Variants in HERC1 observed in about 807,000 individuals in gnomAD.
HERC1 encodes the protein probable E3 ubiquitin-protein ligase HERC1.
HERC1 carries 160 observed loss-of-function variants against 554.3 expected under a neutral mutation model. The observed-to-expected ratio is 0.29, with a 90% CI of 0.25 to 0.33. HERC1 has a LOEUF of 0.33. Ranked by LOEUF, HERC1 falls within the 10% of genes least tolerant of loss-of-function variation. The pLI is 1.00. For missense variants in HERC1, 4,919 were observed against 5,918.5 expected, an observed-to-expected ratio of 0.83 and a Z score of 5.54; for synonymous variants, 2,175 against 2,131.7, an observed-to-expected ratio of 1.02 and a Z score of -0.56.
At chr15:63,799,634 G>A (rs2076916847) in intron 1 of HERC1, among the ~76,000 whole-genome samples, 1 of 152,154 alleles carries the variant, frequency 6.6e-6, no homozygotes, top group African/African-American at 2.4e-5. Context: ...CAGTTATTAA[G>A]GGACTAGGCT....
At chr15:63,664,909 A>AT (rs925203583) in intron 42 of HERC1, among the ~76,000 whole-genome samples, 5 of 152,224 alleles carry the variant, frequency 3.3e-5, no homozygotes, top group Non-Finnish European at 7.3e-5. Flanking sequence ...ATTTGAAATG[A>AT]TTGAGAATTC....
At chr15:63,682,563 G>A (rs1027690339) in intron 34 of HERC1, among the ~76,000 whole-genome samples, 2 of 152,088 alleles carry the variant, frequency 1.3e-5, no homozygotes, top group African/African-American at 2.4e-5. Context: ...TTGAAGCCAG[G>A]AGTTTGAGAC....
chr15:63,826,784 T>TAA lies in HERC1; in HGVS notation c.-27+7041_-27+7042dup, dbSNP rs71456333. Among the ~76,000 whole-genome samples, 13 of 37,102 alleles carry TAA rather than the reference T, an allele frequency of 3.5e-4. 1 individual carries two copies. Among genetic ancestry groups the TAA allele is most frequent in the East Asian group, 2.3e-3 (3 of 1,306 alleles). 24.3% of individuals were successfully genotyped at this position (37,102 alleles called of 152,430 possible). A position where few individuals can be genotyped will look rare whatever the true frequency, so the allele number is the denominator to read the frequency against. The stretch of plus-strand genomic sequence containing the variant: ...TATTCTTTTAATCACTTATCTCTGG[T>TAA]AAAAAAAAAAAAAAAAAAAAAAAAA... On this transcript the variant is annotated intron_variant, in intron 1 of 77. Coordinates refer to ENST00000443617, the MANE Select transcript of HERC1 (RefSeq NM_003922.4).
At position 63,747,188 on chromosome 15, in the gene HERC1, G is replaced by A. The variant is rs111972512; in HGVS notation, c.2355-105C>T. The A allele has an allele frequency of 9.4e-3, 9,022 of 964,124 alleles. 434 individuals are homozygous for A. In the African/African-American group the frequency reaches 0.12, roughly 12 times the overall value. 59.7% of individuals were successfully genotyped at this position (964,124 alleles called of 1,614,324 possible). Reference sequence around the variant, plus strand: ...TTTAAAAATTTTGTTGGCTAGGTGCGGTGGCTCATGCCTGTAATCCCAGCA... The same window carrying A: ...TTTAAAAATTTTGTTGGCTAGGTGCAGTGGCTCATGCCTGTAATCCCAGCA... On this transcript the variant is annotated intron_variant, in intron 11 of 77. Coordinates refer to ENST00000443617, the MANE Select transcript of HERC1 (RefSeq NM_003922.4).
intron 40 of HERC1, 66 bp from the exon 41 acceptor site, chr15:63,666,538 C>G: frequency 9.8e-7 from 1 of 1,015,448 alleles, no homozygotes; most frequent in Non-Finnish European, 1.5e-6. Flanking sequence ...AAAGTGTCTT[C>G]ATAGTCCTCA....
chr15:63,644,863 C>G (rs982141592), intron 57 of HERC1, 129 bp downstream of exon 57: 1 of 652,102 alleles, frequency 1.5e-6, no homozygotes, highest in Non-Finnish European at 2.7e-6. Flanking sequence ...ATGACAATTA[C>G]TTATATTTCC....
At chr15:63,650,425 T>G (rs1411763984) in intron 53 of HERC1, among the ~76,000 whole-genome samples, 3 of 151,970 alleles carry the variant, frequency 2.0e-5, no homozygotes, top group Non-Finnish European at 4.4e-5. Context: ...ACCTTTTTTT[T>G]TTTTTTGAAA....
rs533671725 is a variant in HERC1 at position 63,820,674 on chromosome 15, G to T, written c.-27+13153C>A. ...TATCTCAAAAAAATCAAAAGCAACA[G>T]AGACGTTATCCTTTTTTTTTTGCTT... is the stretch of plus-strand genomic sequence containing the variant. On this transcript the variant is annotated intron_variant, in intron 1 of 77. Transcript: ENST00000443617. Among the ~76,000 whole-genome samples the T allele has an allele frequency of 2.6e-5, 4 of 152,082 alleles. No homozygotes were observed. In the East Asian group the frequency reaches 7.7e-4, roughly 29 times the overall value.
rs1595842930 is a variant in HERC1, at chr15:63,624,435, G to A, written c.13276-108C>T. 6 of 972,860 alleles carry A rather than the reference G, an allele frequency of 6.2e-6. No homozygotes were observed. In the East Asian group the frequency reaches 1.5e-4, roughly 24 times the overall value. 60.3% of individuals were successfully genotyped at this position (972,860 alleles called of 1,614,324 possible). ...ATTTTGGCTGGGCGCAGTGGCTCAT[G>A]CCTGTAGTCCCAGCACTTTGGGAGG... On this transcript the variant is annotated intron_variant, in intron 71 of 77. Transcript: ENST00000443617.
intron 1 of HERC1, among the ~76,000 whole-genome samples, chr15:63,817,701 C>A (rs367911641): frequency 1.1e-4 from 17 of 152,150 alleles, no homozygotes; most frequent in African/African-American, 4.1e-4. Flanking sequence ...GGTGACACAG[C>A]GAGACTCTGT....
chr15:63,809,241 A>G (rs537775107), intron 1 of HERC1, among the ~76,000 whole-genome samples: 2 of 152,338 alleles, frequency 1.3e-5, no homozygotes, highest in South Asian at 4.1e-4. Flanking sequence ...AAACAAAAAT[A>G]AAGGCATGAA....
At position 63,727,666 on chromosome 15, in the gene HERC1, C is replaced by T; in HGVS notation, c.3327G>A (p.Glu1109=). The stretch of plus-strand genomic sequence containing the variant: ...ACTTACCATGAAGAGGCCACTGTAA[C>T]TCCTGGTCTTCTAAAAGATCAGCAG... ...LPAADLLEDQ[E]LQWPLHGGPE... The change falls in exon 17 of 78, where the codon GAG becomes GAA. Residue 1109 remains glutamate (E), a synonymous_variant. Transcript: ENST00000443617. The surrounding 1 kb of genome is among the most constrained non-coding windows in gnomAD (Gnocchi z 4.3). 2 of 1,612,236 alleles carry T rather than the reference C, an allele frequency of 1.2e-6. No homozygotes were observed. The highest frequency in any genetic ancestry group is 1.7e-6 in the Non-Finnish European group (2 of 1,179,070).
chr15:63,792,351 A>C (rs185515763), intron 1 of HERC1, among the ~76,000 whole-genome samples: 260 of 152,292 alleles, frequency 1.7e-3, no homozygotes, highest in African/African-American at 6.0e-3. Context: ...CAACACACAA[A>C]ATTGGTTCTT....
At chr15:63,805,016 T>C (rs1042892525) in intron 1 of HERC1, among the ~76,000 whole-genome samples, 1 of 152,226 alleles carries the variant, frequency 6.6e-6, no homozygotes, top group Non-Finnish European at 1.5e-5. Context: ...GGAAACTGCT[T>C]GGCAGTTTAT....
chr15:63,720,112 T>TTTTTTTTTTTTTTTTC (rs2073752385), intron 19 of HERC1, among the ~76,000 whole-genome samples: 1 of 13,992 alleles, frequency 7.1e-5, no homozygotes, highest in African/African-American at 3.9e-4. Flanking sequence ...CCTTTTTTTT[T>TTTTTTTTTTTTTTTTC]TTTTTTAAGA....
At chr15:63,722,729 T>C (rs1257041997) in intron 19 of HERC1, among the ~76,000 whole-genome samples, 1 of 152,174 alleles carries the variant, frequency 6.6e-6, no homozygotes, top group Non-Finnish European at 1.5e-5. Flanking sequence ...ATTATTGTAA[T>C]TGTTCTATTT....
intron 1 of HERC1, among the ~76,000 whole-genome samples, chr15:63,825,039 T>C (rs1289580409): frequency 6.6e-6 from 1 of 152,170 alleles, no homozygotes; most frequent in Non-Finnish European, 1.5e-5. Context: ...GCACGGTGGC[T>C]AATGCCTGTA....
Position 63,727,414 on chromosome 15 carries a change from C to G in HERC1, c.3346+233G>C, listed in dbSNP as rs1359754684. ...CTGTATAATGTTAAAATAAGATAGGCCCTCAAGGTCATCTTTCCAACTCCA... is the reference window on the plus strand; with the variant it reads ...CTGTATAATGTTAAAATAAGATAGGGCCTCAAGGTCATCTTTCCAACTCCA... On this transcript the variant is annotated intron_variant, in intron 17 of 77. Coordinates refer to ENST00000443617, the MANE Select transcript of HERC1 (RefSeq NM_003922.4). The surrounding 1 kb of genome is among the most constrained non-coding windows in gnomAD (Gnocchi z 4.3). Among the ~76,000 whole-genome samples, 1 of 152,180 alleles carries G rather than the reference C, an allele frequency of 6.6e-6. No individual in the cohort carries two copies. The highest frequency in any genetic ancestry group is 6.5e-5 in the Admixed American group (1 of 15,278).
intron 1 of HERC1, among the ~76,000 whole-genome samples, chr15:63,805,037 C>T (rs886649135): frequency 6.6e-6 from 1 of 152,162 alleles, no homozygotes; most frequent in Non-Finnish European, 1.5e-5. Flanking sequence ...CATAAACACA[C>T]GCTGTACTTA....
Sources: allele counts gnomAD v4.1 joint callset (sites outside exome capture counted in the v4.1 genomes callset), GRCh38; gene constraint gnomAD v4.1.1; non-coding constraint Gnocchi (gnomAD v3.1); transcripts MANE v1.5; gene names NCBI Gene and HGNC (gene_info 2026-07-23, HGNC 2026-07-21).